Variants in MRNIP observed in about 807,000 individuals in gnomAD.
MRNIP encodes MRN complex-interacting protein.
MRNIP carries 30 observed loss-of-function variants against 29.8 expected under a neutral mutation model. The ratio of observed to expected loss-of-function variants is 1.01; its 90% CI spans 0.75 to 1.36. The LOEUF is 1.36. Among genes scored for constraint, MRNIP ranks in the 40% most tolerant of loss-of-function variants. The pLI, the probability that MRNIP is intolerant of heterozygous loss-of-function variation, is 0.00. For synonymous variants in MRNIP, 201 were observed against 164.1 expected (o/e 1.23, Z -1.72); for missense variants, 459 against 423.5 (o/e 1.08, Z -0.74).
At chr5:179,851,763 G>A (rs1367779145) in intron 2 of MRNIP, among the ~76,000 whole-genome samples, 1 of 152,040 alleles carries the variant, frequency 6.6e-6, no homozygotes, top group Non-Finnish European at 1.5e-5. Flanking sequence ...CAGATCACGA[G>A]GTCAGGAGAT....
intron 6 of MRNIP, chr5:179,839,262 A>G (rs1232678444): frequency 6.6e-6 from 1 of 152,044 alleles, no homozygotes; most frequent in East Asian, 1.9e-4. Context: ...AAAAAAAAAA[A>G]AAAAACAACA....
At chr5:179,846,100 T>C (rs1419864835) in intron 3 of MRNIP, 1 of 151,758 alleles carries the variant, frequency 6.6e-6, no homozygotes, top group Non-Finnish European at 1.5e-5. Flanking sequence ...CCTCATCTTA[T>C]CACCCACTTC....
At chr5:179,843,694 C>T (rs1454856216) in intron 4 of MRNIP, among the ~76,000 whole-genome samples, 5 of 152,128 alleles carry the variant, frequency 3.3e-5, no homozygotes, top group East Asian at 3.9e-4. Context: ...GAACCATGAT[C>T]GCGCCACTGC....
At chr5:179,847,841 G>A (rs578061184) in intron 3 of MRNIP, 137 bp downstream of exon 3, 3 of 656,560 alleles carry the variant, frequency 4.6e-6, no homozygotes, top group East Asian at 2.6e-5. Context: ...GACCTCAGAT[G>A]GCAAAGTGAC....
intron 1 of MRNIP, among the ~76,000 whole-genome samples, chr5:179,857,839 C>T (rs1339179406): frequency 6.6e-6 from 1 of 152,028 alleles, no homozygotes; most frequent in Admixed American, 6.6e-5. Context: ...ATGGAGAAAC[C>T]CTGTCTCTAT....
At chr5:179,838,121 A>G (rs1758695743) in intron 6 of MRNIP, 1 of 582,894 alleles carries the variant, frequency 1.7e-6, no homozygotes, top group African/African-American at 1.9e-5. Flanking sequence ...AAAACAAGAC[A>G]TTCTCATGTC....
At chr5:179,855,904 G>GTT (rs1191193921) in intron 1 of MRNIP, among the ~76,000 whole-genome samples, 7 of 131,414 alleles carry the variant, frequency 5.3e-5, no homozygotes, top group Admixed American at 1.5e-4. Context: ...AGTAAGAAAA[G>GTT]TTGTTTTTTT....
intron 5 of MRNIP, 47 bp from the exon 6 acceptor site, chr5:179,841,006 AC>A (rs1242184038): frequency 7.2e-7 from 1 of 1,382,684 alleles, no homozygotes; most frequent in Non-Finnish European, 1.0e-6. Context: ...CTCCAGTGGC[AC>A]CCCGAGCCTG....
At chr5:179,857,842 G>C (rs1407094780) in intron 1 of MRNIP, among the ~76,000 whole-genome samples, 1 of 152,030 alleles carries the variant, frequency 6.6e-6, no homozygotes, top group Admixed American at 6.6e-5. Flanking sequence ...GAGAAACCCT[G>C]TCTCTATTAA....
intron 4 of MRNIP, 23 bp downstream of exon 4, chr5:179,844,129 G>A: frequency 6.2e-7 from 1 of 1,606,590 alleles, no homozygotes; most frequent in South Asian, 1.1e-5. Flanking sequence ...AGCCAGCCTG[G>A]GGCAGGTGGG....
intron 4 of MRNIP, among the ~76,000 whole-genome samples, chr5:179,842,582 C>T (rs1177051964): frequency 2.0e-5 from 3 of 150,406 alleles, no homozygotes; most frequent in Non-Finnish European, 3.0e-5. Flanking sequence ...CACCTGTAGT[C>T]CCAGCTACTC....
At chr5:179,842,885 T>C (rs1025425708) in intron 4 of MRNIP, among the ~76,000 whole-genome samples, 1 of 151,080 alleles carries the variant, frequency 6.6e-6, no homozygotes, top group Admixed American at 6.6e-5. Flanking sequence ...ATACAAAAAT[T>C]AGCCGGGCGT....
rs1435179506 is a variant in MRNIP, at chr5:179,858,791, C to T, written c.6G>A (p.Ala2=). The T allele has an allele frequency of 6.5e-7, 1 of 1,540,474 alleles. No homozygotes were observed. Among genetic ancestry groups the T allele is most frequent in the Non-Finnish European group, 8.7e-7 (1 of 1,143,830 alleles). M[A]SLQRSRVLRC... ...GTAGCACCCGAGAACGCTGAAGCGACGCCATCCCTGCTTGTGCAGTCGCCA... is the reference window on the plus strand; with the variant it reads ...GTAGCACCCGAGAACGCTGAAGCGATGCCATCCCTGCTTGTGCAGTCGCCA... Residue 2 remains alanine, a synonymous_variant, in exon 1 of 7, where the codon GCG becomes GCA. Coordinates refer to ENST00000292586, the MANE Select transcript of MRNIP (RefSeq NM_016175.4).
At chr5:179,852,242 C>T (rs1302878094) in intron 2 of MRNIP, among the ~76,000 whole-genome samples, 6 of 151,046 alleles carry the variant, frequency 4.0e-5, no homozygotes, top group African/African-American at 9.7e-5. Flanking sequence ...GCCGAGATTG[C>T]GCCACTGCAC....
intron 2 of MRNIP, among the ~76,000 whole-genome samples, chr5:179,850,090 G>C (rs1759301163): frequency 6.6e-6 from 1 of 152,140 alleles, no homozygotes; most frequent in South Asian, 2.1e-4. Context: ...GGCACAGGCA[G>C]ATGGTACGAG....
At chr5:179,843,386 T>G (rs1758995387) in intron 4 of MRNIP, among the ~76,000 whole-genome samples, 1 of 152,100 alleles carries the variant, frequency 6.6e-6, no homozygotes, top group Admixed American at 6.5e-5. Flanking sequence ...AGTCTGTAAA[T>G]GGACTGAATT....
At chr5:179,848,163 T>G in intron 2 of MRNIP, 97 bp from the exon 3 acceptor site, 1 of 907,090 alleles carries the variant, frequency 1.1e-6, no homozygotes, top group Non-Finnish European at 1.8e-6. Flanking sequence ...CAAAGCTGTA[T>G]TCTGCAAGGC....
intron 2 of MRNIP, chr5:179,851,312 A>G (rs1759356732): frequency 2.2e-6 from 1 of 456,016 alleles, no homozygotes; most frequent in Non-Finnish European, 4.4e-6. Context: ...CATCCGAGTC[A>G]GCCTGGGCCA....
At chr5:179,837,935 C>G (rs1469122826) in intron 6 of MRNIP, 50 bp from the exon 7 acceptor site, 2 of 1,549,388 alleles carry the variant, frequency 1.3e-6, no homozygotes, top group Non-Finnish European at 1.7e-6. Flanking sequence ...AATGCCAGGG[C>G]CCAGGAGGAC....
Sources: allele counts gnomAD v4.1 joint callset (sites outside exome capture counted in the v4.1 genomes callset), GRCh38; gene constraint gnomAD v4.1.1; transcripts MANE v1.5; gene names NCBI Gene and HGNC (gene_info 2026-07-23, HGNC 2026-07-21).